The following SYNRG variants were observed in gnomAD, a reference collection of about 807,000 sequenced individuals.
SYNRG encodes the protein synergin gamma, also known as AP1 gamma subunit binding protein 1.
In SYNRG, 37 loss-of-function variants were observed where a neutral mutation model predicts 130.9. The observed-to-expected ratio is 0.28, with a 90% confidence interval of 0.22 to 0.37. The LOEUF (loss-of-function observed/expected upper bound fraction) is 0.37, where lower values mean the gene tolerates loss of function less well. SYNRG is among the 10% of genes least tolerant of loss of function. SYNRG has a pLI of 1.00. For missense variants in SYNRG, 1,338 were observed against 1,588.9 expected (o/e 0.84, Z 2.68); for synonymous variants, 539 against 568.1 (o/e 0.95, Z 0.73).
intron 19 of SYNRG, among the ~76,000 whole-genome samples, chr17:37,533,862 C>A (rs1190596804): frequency 4.0e-5 from 6 of 150,264 alleles, no homozygotes; most frequent in Non-Finnish European, 8.9e-5. Flanking sequence ...CAGGCATCAG[C>A]CACTAAGGCC....
chr17:37,520,355 T>G, intron 20 of SYNRG, 141 bp from the exon 21 acceptor site: 2 of 1,184,372 alleles, frequency 1.7e-6, no homozygotes, highest in Non-Finnish European at 2.5e-6. Flanking sequence ...GCCGCGTCCA[T>G]TCCCTCCACA....
intron 1 of SYNRG, among the ~76,000 whole-genome samples, chr17:37,606,267 T>A (rs1300140998): frequency 1.3e-5 from 2 of 152,222 alleles, no homozygotes; most frequent in African/African-American, 4.8e-5. Context: ...TTCCTCTTCC[T>A]CTAACTCTGT....
chr17:37,599,294 T>G (rs143010921), intron 2 of SYNRG, among the ~76,000 whole-genome samples: 1 of 152,210 alleles, frequency 6.6e-6, no homozygotes, highest in South Asian at 2.1e-4. Context: ...TGTGTCCCAG[T>G]TGCATGGCAG....
intron 19 of SYNRG, chr17:37,529,847 C>A: frequency 1.9e-6 from 3 of 1,551,462 alleles, no homozygotes; most frequent in Non-Finnish European, 2.6e-6. Context: ...CTTTTCCCAG[C>A]AGCACTAGGA....
intron 3 of SYNRG, among the ~76,000 whole-genome samples, chr17:37,588,950 C>T (rs2061917233): frequency 6.6e-6 from 1 of 152,152 alleles, no homozygotes; most frequent in Admixed American, 6.5e-5. Flanking sequence ...GTTTCCCCTA[C>T]ACCTGGAAAG....
At chr17:37,565,430 A>G (rs994084525) in intron 11 of SYNRG, among the ~76,000 whole-genome samples, 9 of 152,076 alleles carry the variant, frequency 5.9e-5, no homozygotes, top group Non-Finnish European at 1.0e-4. Context: ...TTGGCCTCCC[A>G]AAGTGCCGAG....
At chr17:37,558,414 C>T (rs896198213) in intron 13 of SYNRG, among the ~76,000 whole-genome samples, 1 of 152,282 alleles carries the variant, frequency 6.6e-6, no homozygotes, top group African/African-American at 2.4e-5. Flanking sequence ...TTAGAGTATA[C>T]ACATTTCATA....
chr17:37,557,708 A>G (rs1485470933), intron 13 of SYNRG, among the ~76,000 whole-genome samples: 1 of 152,144 alleles, frequency 6.6e-6, no homozygotes. Flanking sequence ...GCAAGACCCC[A>G]CTGTGGTGAT....
intron 9 of SYNRG, among the ~76,000 whole-genome samples, chr17:37,571,280 G>A (rs1309665594): frequency 6.6e-6 from 1 of 152,298 alleles, no homozygotes; most frequent in Non-Finnish European, 1.5e-5. Flanking sequence ...TTCAGAGAAT[G>A]TTAATATTAA....
chr17:37,540,898 C>A lies in SYNRG; in HGVS notation c.3203-355G>T, dbSNP rs372087385. The A allele has an allele frequency of 3.0e-6, 3 of 1,010,610 alleles. No homozygotes were observed. In the African/African-American group the frequency reaches 5.2e-5, roughly 17 times the overall value. The allele number at this position is 1,010,610 out of a possible 1,614,324, so 62.6% of individuals were successfully genotyped here. ...TATCTGCCTGCCTCCCCTCCCAAAG[C>A]GTTGAGATTACAGGTGTGAGCCACC... On this transcript the variant is annotated intron_variant, in intron 15 of 21. Coordinates refer to ENST00000612223, the MANE Select transcript of SYNRG (RefSeq NM_007247.6).
intron 1 of SYNRG, among the ~76,000 whole-genome samples, chr17:37,607,662 G>T (rs775256457): frequency 2.9e-4 from 44 of 151,948 alleles, no homozygotes; most frequent in Non-Finnish European, 5.4e-4. Context: ...GGTGGCGCAC[G>T]CCTGTAATCC....
intron 11 of SYNRG, among the ~76,000 whole-genome samples, chr17:37,565,806 G>A (rs755815772): frequency 3.3e-5 from 5 of 150,066 alleles, no homozygotes; most frequent in South Asian, 2.1e-4. Context: ...CCCTCCGCCC[G>A]GCAGCCGCCC....
chr17:37,539,941 C>A (rs753700199), intron 16 of SYNRG, among the ~76,000 whole-genome samples: 1 of 152,110 alleles, frequency 6.6e-6, no homozygotes, highest in Non-Finnish European at 1.5e-5. Flanking sequence ...GGCCCATGTG[C>A]ACATGTAACA....
chr17:37,538,878 G>A (rs1314201825), intron 17 of SYNRG, among the ~76,000 whole-genome samples: 1 of 152,226 alleles, frequency 6.6e-6, no homozygotes, highest in Non-Finnish European at 1.5e-5. Flanking sequence ...TAGGTGTTGA[G>A]CCACCGCACC....
chr17:37,574,344 G>T (rs902797577), intron 8 of SYNRG, among the ~76,000 whole-genome samples: 15 of 152,112 alleles, frequency 9.9e-5, no homozygotes, highest in Non-Finnish European at 1.8e-4. Flanking sequence ...CATTCGTCTG[G>T]GCAAAGATGT....
chr17:37,607,605 A>AT (rs1201991430), intron 1 of SYNRG, among the ~76,000 whole-genome samples: 3 of 152,188 alleles, frequency 2.0e-5, no homozygotes, highest in Non-Finnish European at 4.4e-5. Context: ...CCTGGCTAAC[A>AT]TGGTGAAACC....
chr17:37,575,534 T>TA, intron 8 of SYNRG, among the ~76,000 whole-genome samples: 1 of 150,996 alleles, frequency 6.6e-6, no homozygotes, highest in Non-Finnish European at 1.5e-5. Context: ...GGCTCAGCAG[T>TA]AAAAATACAT....
At chr17:37,552,368 T>C (rs1213939598) in intron 14 of SYNRG, among the ~76,000 whole-genome samples, 1 of 151,924 alleles carries the variant, frequency 6.6e-6, no homozygotes, top group Non-Finnish European at 1.5e-5. Flanking sequence ...AATTGCTACA[T>C]GTAAATCTAC....
chr17:37,589,727 C>A (rs1476036314), intron 3 of SYNRG, among the ~76,000 whole-genome samples: 2 of 148,990 alleles, frequency 1.3e-5, no homozygotes, highest in African/African-American at 2.5e-5. Context: ...CCAGCCTGGG[C>A]GACAGCAAGA....
Sources: gnomAD v4.1 joint callset for allele counts (sites outside exome capture counted in the v4.1 genomes callset) on GRCh38, gnomAD v4.1.1 for gene constraint, MANE v1.5 for transcripts, NCBI Gene and HGNC (gene_info 2026-07-23, HGNC 2026-07-21) for gene names.